TAF1: variants seen among roughly 807,000 people sequenced by gnomAD.
TAF1 encodes TATA-box binding protein associated factor 1, also known as transcription initiation factor TFIID subunit 1.
Under a neutral mutation model 138.5 loss-of-function variants are expected in TAF1, and 2 were observed. That is an observed-to-expected ratio of 0.01 (90% CI 0.01 to 0.05). The LOEUF (loss-of-function observed/expected upper bound fraction) is 0.05, where lower values mean the gene tolerates loss of function less well. Ranked by LOEUF, TAF1 falls within the 10% of genes least tolerant of loss-of-function variation. The pLI is 1.00. For synonymous variants in TAF1, 437 were observed against 503.2 expected (o/e 0.87, Z 1.76); for missense variants, 709 against 1,478.0 (o/e 0.48, Z 8.53).
intron 21 of TAF1, 129 bp downstream of exon 21, chrX:71,393,605 G>T: frequency 1.1e-6 from 1 of 918,065 alleles, no homozygotes; most frequent in Non-Finnish European, 1.4e-6. Flanking sequence ...GACATGTCAG[G>T]GTAGTATATG....
intron 13 of TAF1, among the ~76,000 whole-genome samples, chrX:71,500,276 T>C (rs2039474271): frequency 9.0e-6 from 1 of 111,529 alleles, no homozygotes; most frequent in Admixed American, 9.6e-5. Flanking sequence ...CCTTCCCTCT[T>C]ACAGAAAAGG....
At chrX:71,528,806 A>G in intron 14 of TAF1, 1 of 269,815 alleles carries the variant, frequency 3.7e-6, no homozygotes. Context: ...GCAAAAGAAC[A>G]AAGCTTCCAT....
At position 71,387,287 on chromosome X, in the gene TAF1, T is replaced by C; in HGVS notation, c.2253T>C (p.Ala751=). The C allele has an allele frequency of 8.3e-7, 1 of 1,211,947 alleles. No homozygotes were observed. The highest frequency in any genetic ancestry group is 1.1e-6 in the Non-Finnish European group (1 of 895,567). ...CATTTGAGAACAACCTTTTTCGTGCTCCAATTTATCTTCATAAGATGCCAG... is the reference window on the plus strand; with the variant it reads ...CATTTGAGAACAACCTTTTTCGTGCCCCAATTTATCTTCATAAGATGCCAG... The part of the protein sequence containing the change: ...LQAFENNLFR[A]PIYLHKMPET... The change falls in exon 15 of 38, where the codon GCT becomes GCC. Residue 751 remains alanine (A), a synonymous_variant. Transcript: ENST00000423759.
intron 13 of TAF1, among the ~76,000 whole-genome samples, chrX:71,504,273 T>A (rs2039575887): frequency 9.1e-6 from 1 of 109,855 alleles, no homozygotes; most frequent in Non-Finnish European, 1.9e-5. Flanking sequence ...TTGTTCTGTT[T>A]CTCTGATTGA....
Position 71,419,668 on chromosome X carries a change from C to T in TAF1, c.4385-1641C>T, listed in dbSNP as rs191053254. Among the ~76,000 whole-genome samples, 23 of 111,408 alleles carry T rather than the reference C, an allele frequency of 2.1e-4. No homozygotes were observed. In the East Asian group the frequency reaches 4.0e-3, roughly 19 times the overall value. ...GAGAGGACTGTGAAAGGTTAGAAGA[C>T]GGAGGGAAGGTGACAAGCAGAACAG... On this transcript the variant is annotated intron_variant, in intron 28 of 37. Coordinates refer to ENST00000423759, the MANE Select transcript of TAF1 (RefSeq NM_004606.5).
At chrX:71,466,386 A>G (rs1409467397), downstream of TAF1, 1 of 110,530 alleles carries the variant, frequency 9.0e-6, no homozygotes, top group African/African-American at 3.3e-5. Context: ...AACTGGGATT[A>G]CAGGCACGCA....
intron 24 of TAF1, among the ~76,000 whole-genome samples, chrX:71,399,146 C>T (rs1345534526): frequency 9.0e-6 from 1 of 110,951 alleles, no homozygotes; most frequent in Non-Finnish European, 1.9e-5. Flanking sequence ...TGCCATGTTG[C>T]CCAGGCTAGT....
In TAF1 at chrX:71,445,272, C is replaced by T. The variant is rs1022531623; in HGVS notation, c.4754-8898C>T. On this transcript the variant is annotated intron_variant, in intron 32 of 37. Coordinates refer to ENST00000423759, the MANE Select transcript of TAF1 (RefSeq NM_004606.5). ...TTGAGATCACGCCACTGCACTCCAACCTGGACGACAGAGTGAGACTCATCT... is the reference window on the plus strand; with the variant it reads ...TTGAGATCACGCCACTGCACTCCAATCTGGACGACAGAGTGAGACTCATCT... Among the ~76,000 whole-genome samples, 3 of 101,769 alleles carry T rather than the reference C, an allele frequency of 2.9e-5. No individual in the cohort carries two copies. The East Asian group carries it at 9.2e-4, about 31-fold the overall frequency. 88.4% of individuals were successfully genotyped at this position (101,769 alleles called of 115,157 possible).
intron 37 of TAF1, 189 bp downstream of exon 37, chrX:71,460,992 A>G (rs2038528641): frequency 9.9e-6 from 5 of 502,610 alleles, no homozygotes; most frequent in Non-Finnish European, 1.6e-5. Flanking sequence ...CCCACAGCCT[A>G]GTGGAAAAGA....
At chrX:71,452,654 G>A (rs1283716227) in intron 32 of TAF1, among the ~76,000 whole-genome samples, 3 of 111,906 alleles carry the variant, frequency 2.7e-5, no homozygotes, top group African/African-American at 6.5e-5. Context: ...CTTCCCAGAC[G>A]AGGTGGCGGC....
chrX:71,368,028 T>G (rs1234999553), intron 2 of TAF1, 26 bp from the exon 3 acceptor site: 20 of 1,192,007 alleles, frequency 1.7e-5, no homozygotes, highest in Non-Finnish European at 2.2e-5. Flanking sequence ...TTACTGTTGT[T>G]GCGATTCTCC....
At chrX:71,410,460 T>C (rs1306715163) in intron 28 of TAF1, among the ~76,000 whole-genome samples, 27 of 95,334 alleles carry the variant, frequency 2.8e-4, no homozygotes, top group South Asian at 5.3e-4. Context: ...TTTTCTTTTT[T>C]TTTTTTTTTT....
intron 13 of TAF1, among the ~76,000 whole-genome samples, chrX:71,500,745 C>T (rs765321506): frequency 1.3e-3 from 142 of 110,833 alleles, no homozygotes; most frequent in Non-Finnish European, 4.0e-4. Context: ...GTATTGGGAC[C>T]TTACCCCTGT....
chrX:71,410,345 C>T (rs935814151), intron 28 of TAF1, among the ~76,000 whole-genome samples: 9 of 108,470 alleles, frequency 8.3e-5, no homozygotes, highest in African/African-American at 3.0e-4. Flanking sequence ...GTGCAGCAAA[C>T]CACCATGGCA....
chrX:71,387,843 G>T (rs1328744805), intron 15 of TAF1, among the ~76,000 whole-genome samples: 5 of 110,343 alleles, frequency 4.5e-5, no homozygotes. Flanking sequence ...TGAGGCAGGA[G>T]AATCGCTTGA....
At chrX:71,369,193 C>T (rs1005440819) in intron 3 of TAF1, among the ~76,000 whole-genome samples, 26 of 111,095 alleles carry the variant, frequency 2.3e-4, no homozygotes, top group Non-Finnish European at 4.3e-4. Flanking sequence ...GAAGGGGTTT[C>T]ACCATGTTGG....
intron 32 of TAF1, among the ~76,000 whole-genome samples, chrX:71,438,428 C>T (rs1473201799): frequency 9.0e-6 from 1 of 111,653 alleles, no homozygotes; most frequent in East Asian, 2.8e-4. Flanking sequence ...CAAGGTTCAT[C>T]CATGTTGTAG....
intron 13 of TAF1, among the ~76,000 whole-genome samples, chrX:71,499,695 G>A (rs903565618): frequency 2.7e-5 from 3 of 111,545 alleles, no homozygotes; most frequent in African/African-American, 9.8e-5. Flanking sequence ...GATCCATACT[G>A]GGGACGGCTT....
intron 13 of TAF1, among the ~76,000 whole-genome samples, chrX:71,503,312 A>ATATATGTG (rs1569408380): frequency 2.1e-5 from 2 of 93,509 alleles, no homozygotes; most frequent in African/African-American, 9.1e-5. Context: ...ATATATATAT[A>ATATATGTG]TATATATATG....
Sources: gnomAD v4.1 joint callset for allele counts (sites outside exome capture counted in the v4.1 genomes callset) on GRCh38, gnomAD v4.1.1 for gene constraint, MANE v1.5 for transcripts, NCBI Gene and HGNC (gene_info 2026-07-23, HGNC 2026-07-21) for gene names.